Variants in SHTN1 observed in about 807,000 individuals in gnomAD.
The protein encoded by SHTN1 is shootin 1, also known as shootin-1.
In SHTN1, 42 loss-of-function variants were observed where a neutral mutation model predicts 83.1. The ratio of observed to expected loss-of-function variants is 0.51; its 90% CI spans 0.39 to 0.65. The LOEUF (loss-of-function observed/expected upper bound fraction) is 0.65. Among genes scored for constraint, SHTN1 ranks in the 30% least tolerant of loss-of-function variants. The probability of loss-of-function intolerance (pLI) is 0.00; values close to 1 mark genes in which losing one functional copy is unlikely to be tolerated. For synonymous variants in SHTN1, 224 were observed against 247.7 expected (o/e 0.90, Z 0.90); for missense variants, 622 against 737.8 (o/e 0.84, Z 1.82).
intron 1 of SHTN1, among the ~76,000 whole-genome samples, chr10:117,056,586 G>C (rs1292256670): frequency 2.0e-5 from 3 of 152,124 alleles, no homozygotes; most frequent in Non-Finnish European, 2.9e-5. Flanking sequence ...GAGGCAGGTG[G>C]ATCACCTGAG....
chr10:116,891,440 T>C (rs567008689), intron 16 of SHTN1, among the ~76,000 whole-genome samples: 1 of 152,278 alleles, frequency 6.6e-6, no homozygotes, highest in South Asian at 2.1e-4. Context: ...AGCCGGACGG[T>C]CTGAACTCTG....
At position 117,109,211 on chromosome 10, in the gene SHTN1, C is replaced by T. The variant is rs559943663; in HGVS notation, c.-189+17096G>A. ...TGATATAATTAGTCTGAGGCACAGG[C>T]TTCAGACTTCTGAAGACCACCCCCC... On this transcript the variant is annotated intron_variant, in intron 1 of 17. Coordinates refer to the SHTN1 transcript ENST00000392901. Among the ~76,000 whole-genome samples the T allele has an allele frequency of 2.4e-4, 37 of 152,320 alleles. 1 individual carries two copies. Among genetic ancestry groups the T allele is most frequent in the African/African-American group, 8.9e-4 (37 of 41,578 alleles).
At chr10:117,068,867 A>T (rs750027801) in intron 1 of SHTN1, among the ~76,000 whole-genome samples, 1 of 152,190 alleles carries the variant, frequency 6.6e-6, no homozygotes, top group Non-Finnish European at 1.5e-5. Flanking sequence ...GAGTACACAG[A>T]CATTAATTAA....
At chr10:116,907,894 C>A (rs1246708155) in intron 14 of SHTN1, 1 of 518,228 alleles carries the variant, frequency 1.9e-6, no homozygotes, top group Non-Finnish European at 3.9e-6. Flanking sequence ...TGCCTTAATC[C>A]TGCTCCCTCC....
intron 16 of SHTN1, among the ~76,000 whole-genome samples, chr10:116,894,204 A>C (rs1219693771): frequency 6.6e-6 from 1 of 152,242 alleles, no homozygotes; most frequent in Non-Finnish European, 1.5e-5. Flanking sequence ...AACTCTTACA[A>C]AAATAAATTT....
intron 2 of SHTN1, among the ~76,000 whole-genome samples, chr10:117,012,680 C>T (rs4752023): frequency 0.9 from 136,569 of 152,154 alleles, 63,000 homozygotes; most frequent in Non-Finnish European, 1. Flanking sequence ...AACCGTGTAA[C>T]CTAAAGTCTG....
intron 1 of SHTN1, among the ~76,000 whole-genome samples, chr10:117,098,949 C>A (rs912428169): frequency 6.8e-6 from 1 of 146,594 alleles, no homozygotes; most frequent in Non-Finnish European, 1.5e-5. Flanking sequence ...GTACTTAGTA[C>A]GGAAAAATTC....
chr10:117,075,694 G>C (rs965688507), intron 1 of SHTN1, among the ~76,000 whole-genome samples: 4 of 152,138 alleles, frequency 2.6e-5, no homozygotes, highest in Non-Finnish European at 4.4e-5. Context: ...GGCTCAACTA[G>C]GACCTGAAGG....
intron 2 of SHTN1, among the ~76,000 whole-genome samples, chr10:117,022,448 A>G (rs1007160118): frequency 7.2e-5 from 11 of 152,288 alleles, no homozygotes; most frequent in Admixed American, 7.2e-4. Context: ...ACTTGCTTAA[A>G]TGCTATTGCT....
chr10:117,056,245 CAA>C (rs1273981669), intron 1 of SHTN1, among the ~76,000 whole-genome samples: 2 of 151,980 alleles, frequency 1.3e-5, no homozygotes, highest in Non-Finnish European at 2.9e-5. Flanking sequence ...GATACCAAAC[CAA>C]AGACAATACA....
Position 116,884,575 on chromosome 10 carries a change from A to G in SHTN1, c.*1769T>C, listed in dbSNP as rs561799685. On this transcript the variant is annotated 3_prime_UTR_variant, in exon 17 of 17. Transcript: ENST00000355371. The stretch of plus-strand genomic sequence containing the variant: ...GATGAAATATGGAAAGACAGTGTAC[A>G]TATTTTTATATTCCTAAATGTGTGT... The G allele has an allele frequency of 1.2e-5, 3 of 245,838 alleles. No homozygotes were observed. In the South Asian group the frequency reaches 1.4e-4, roughly 11 times the overall value. The allele number at this position is 245,838 out of a possible 1,614,324, so 15.2% of individuals were successfully genotyped here.
rs929922744 is a variant in SHTN1, at chr10:116,882,558, C to T, written c.*3786G>A. 5.3e-5 allele frequency: 8 copies of T among 152,060 alleles called. No homozygotes were observed. The highest frequency in any genetic ancestry group is 1.4e-4 in the African/African-American group (6 of 41,394). The allele number at this position is 152,060 out of a possible 1,614,324, so 9.4% of individuals were successfully genotyped here. A position where few individuals can be genotyped will look rare whatever the true frequency, so the allele number is the denominator to read the frequency against. On this transcript the variant is annotated 3_prime_UTR_variant, in exon 17 of 17. Coordinates refer to ENST00000355371, the MANE Select transcript of SHTN1 (RefSeq NM_001127211.3). ...AACCACTTTATATGATTTAGGGTCT[C>T]GTTAAAATGGTTACCATTTGCTTCT...
At chr10:116,936,468 G>C (rs1849166311) in intron 9 of SHTN1, among the ~76,000 whole-genome samples, 1 of 152,196 alleles carries the variant, frequency 6.6e-6, no homozygotes, top group African/African-American at 2.4e-5. Flanking sequence ...TTTCCAGATA[G>C]TTATGCAGTT....
chr10:117,033,417 T>C (rs1009897721), intron 2 of SHTN1, among the ~76,000 whole-genome samples: 3 of 152,044 alleles, frequency 2.0e-5, no homozygotes, highest in East Asian at 1.9e-4. Context: ...TGCCAGTAAA[T>C]TGGAAAATCT....
intron 1 of SHTN1, among the ~76,000 whole-genome samples, chr10:117,120,090 G>A (rs1853901992): frequency 6.6e-6 from 1 of 152,020 alleles, no homozygotes; most frequent in Non-Finnish European, 1.5e-5. Flanking sequence ...AAAAAAATAG[G>A]AAGAATGAAT....
At chr10:116,951,855 C>T (rs1849788715) in intron 6 of SHTN1, 54 bp downstream of exon 6, 2 of 1,033,102 alleles carry the variant, frequency 1.9e-6, no homozygotes, top group Non-Finnish European at 2.9e-6. Flanking sequence ...TTAGCAAATC[C>T]CCAAACACCT....
intron 7 of SHTN1, 77 bp downstream of exon 7, chr10:116,948,839 G>C (rs1289262189): frequency 3.2e-6 from 3 of 939,142 alleles, no homozygotes; most frequent in Non-Finnish European, 4.5e-6. Flanking sequence ...TTAGGCACAG[G>C]TGTAAAATGA....
chr10:117,010,344 A>C (rs552131311), upstream of SHTN1, among the ~76,000 whole-genome samples: 2 of 152,208 alleles, frequency 1.3e-5, no homozygotes, highest in African/African-American at 4.8e-5. Context: ...GAAACACACA[A>C]GTCACCTAAA....
chr10:117,114,898 ATG>A (rs984358595), intron 1 of SHTN1, among the ~76,000 whole-genome samples: 3 of 152,090 alleles, frequency 2.0e-5, no homozygotes, highest in African/African-American at 7.2e-5. Flanking sequence ...CATCAAAGAG[ATG>A]TACAGGGGCC....
Sources: gnomAD v4.1 joint callset for allele counts (sites outside exome capture counted in the v4.1 genomes callset) on GRCh38, gnomAD v4.1.1 for gene constraint, MANE v1.5 for transcripts, NCBI Gene and HGNC (gene_info 2026-07-23, HGNC 2026-07-21) for gene names.